IFRD1: variants seen among roughly 807,000 people sequenced by gnomAD.
The protein encoded by IFRD1 is interferon related developmental regulator 1.
A neutral mutation model predicts 52.9 loss-of-function variants in IFRD1; 35 were observed. That is an observed-to-expected ratio of 0.66 (90% CI 0.51 to 0.88). IFRD1 has a LOEUF of 0.88. Among genes scored for constraint, IFRD1 ranks in the 40% least tolerant of loss-of-function variants. IFRD1 has a pLI of 0.00. For missense variants in IFRD1, 517 were observed against 550.8 expected (o/e 0.94, Z 0.61); for synonymous variants, 184 against 188.4 (o/e 0.98, Z 0.19).
At chr7:112,424,769 G>T (rs1480863507) in intron 1 of IFRD1, among the ~76,000 whole-genome samples, 2 of 152,174 alleles carry the variant, frequency 1.3e-5, no homozygotes, top group Admixed American at 6.5e-5. Flanking sequence ...CCCACTGGTA[G>T]TTCAGGAGCA....
intron 1 of IFRD1, among the ~76,000 whole-genome samples, chr7:112,431,165 G>A (rs1043011624): frequency 2.6e-5 from 4 of 152,202 alleles, no homozygotes; most frequent in African/African-American, 9.7e-5. Flanking sequence ...CACAAAGGGA[G>A]CTAAGGAAGC....
intron 1 of IFRD1, chr7:112,452,613 C>G (rs1400063849): frequency 2.0e-5 from 4 of 200,980 alleles, no homozygotes; most frequent in Non-Finnish European, 3.6e-5. Flanking sequence ...AGATCACGCA[C>G]AAACCTTTAA....
In IFRD1 at chr7:112,450,760, C is replaced by T. The variant is rs1363736876; in HGVS notation, c.72C>T (p.Ala24=). The T allele has an allele frequency of 6.2e-7, 1 of 1,612,218 alleles. No homozygotes were observed. Among genetic ancestry groups the T allele is most frequent in the Non-Finnish European group, 8.5e-7 (1 of 1,179,626 alleles). Residue 24 remains alanine, a synonymous_variant, in exon 1 of 12, where the codon GCC becomes GCT. Coordinates refer to ENST00000403825, the MANE Select transcript of IFRD1 (RefSeq NM_001550.4). ...CTGGCGGCGGCGGGTCAGGAGCAGC[C>T]GCAGCGACGGCGGCGACAGCAGGTA... The part of the protein sequence containing the change: ...SSAGGGGSGA[A]AATAATAGGQ...
intron 1 of IFRD1, among the ~76,000 whole-genome samples, chr7:112,430,079 C>T (rs1006043176): frequency 2.0e-5 from 3 of 152,170 alleles, no homozygotes; most frequent in African/African-American, 7.2e-5. Context: ...ACCTGCAGAG[C>T]CCTAAGGGCT....
chr7:112,459,704 C>T (rs1052817961), intron 5 of IFRD1, among the ~76,000 whole-genome samples: 1 of 152,106 alleles, frequency 6.6e-6, no homozygotes, highest in Non-Finnish European at 1.5e-5. Context: ...TTATCATCAC[C>T]ACCCAATGTA....
intron 8 of IFRD1, chr7:112,467,752 A>G (rs1795646439): frequency 9.9e-6 from 5 of 505,544 alleles, no homozygotes; most frequent in South Asian, 8.3e-5. Context: ...CTTGGAAGGG[A>G]AATGTTAATT....
chr7:112,443,667 G>A (rs1020552787), intron 1 of IFRD1, among the ~76,000 whole-genome samples: 8 of 151,950 alleles, frequency 5.3e-5, no homozygotes, highest in Non-Finnish European at 8.8e-5. Flanking sequence ...TCAGGAGTTC[G>A]AGACCAGCCT....
chr7:112,448,304 C>G (rs1795074408), upstream of IFRD1, among the ~76,000 whole-genome samples: 1 of 152,132 alleles, frequency 6.6e-6, no homozygotes, highest in African/African-American at 2.4e-5. Flanking sequence ...CGCAGAACGA[C>G]TAAGTGGATG....
rs1025520273 is a variant in IFRD1, at chr7:112,450,557, G to C, written c.-132G>C. The C allele has an allele frequency of 3.4e-5, 24 of 715,332 alleles. No homozygotes were observed. Among genetic ancestry groups the C allele is most frequent in the Non-Finnish European group, 5.9e-5 (23 of 391,206 alleles). 44.3% of individuals were successfully genotyped at this position (715,332 alleles called of 1,614,324 possible). ...GCCACCGCCCACTCTTACCCCCGCC[G>C]CTTCTCGACTCTGTTGTTAGCCGAA... On this transcript the variant is annotated 5_prime_UTR_variant, in exon 1 of 12. Transcript: ENST00000403825.
chr7:112,473,120 CAGAG>C (rs747875221), intron 11 of IFRD1, among the ~76,000 whole-genome samples: 1 of 151,632 alleles, frequency 6.6e-6, no homozygotes, highest in Admixed American at 6.6e-5. Flanking sequence ...AAAAGCAAAA[CAGAG>C]AAAAGAATAT....
At chr7:112,456,780 T>C (rs1000767668) in intron 3 of IFRD1, 134 bp from the exon 4 acceptor site, 2 of 786,578 alleles carry the variant, frequency 2.5e-6, no homozygotes, top group African/African-American at 3.5e-5. Context: ...TATTGACAAA[T>C]GGTTAGAGCT....
At chr7:112,449,506 T>C (rs4463358), upstream of IFRD1, among the ~76,000 whole-genome samples, 85,807 of 151,888 alleles carry the variant, frequency 0.56, 24,686 homozygotes, top group East Asian at 0.67. Flanking sequence ...CTCACCTACA[T>C]TGAGGTGAGT....
chr7:112,423,718 A>G (rs1255751982), intron 1 of IFRD1, among the ~76,000 whole-genome samples: 6 of 152,214 alleles, frequency 3.9e-5, no homozygotes, highest in African/African-American at 1.4e-4. Flanking sequence ...TTGGTAGAAA[A>G]TCAAAGTAGC....
At chr7:112,464,001 C>G (rs1795542824) in intron 8 of IFRD1, among the ~76,000 whole-genome samples, 1 of 148,420 alleles carries the variant, frequency 6.7e-6, no homozygotes, top group Non-Finnish European at 1.5e-5. Context: ...CAAAAATGAA[C>G]TGGGTTACAA....
upstream of IFRD1, among the ~76,000 whole-genome samples, chr7:112,449,830 G>T (rs1214037317): frequency 8.5e-3 from 98 of 11,472 alleles, no homozygotes; most frequent in Admixed American, 0.016. Flanking sequence ...TTTTTTTGGG[G>T]GGGGGGGGGG....
rs2117278851 is a variant in IFRD1, at chr7:112,450,791, T to G, written c.94+9T>G. On this transcript the variant is annotated intron_variant, in intron 1 of 11. Coordinates refer to ENST00000403825, the MANE Select transcript of IFRD1 (RefSeq NM_001550.4). ...GACGGCGGCGACAGCAGGTAAGGGG[T>G]ATCCCCGCCGCCGGCATCCCAGTTG... is the stretch of plus-strand genomic sequence containing the variant. 1 of 1,600,838 alleles carries G rather than the reference T, an allele frequency of 6.2e-7. No homozygotes were observed. The highest frequency in any genetic ancestry group is 8.6e-7 in the Non-Finnish European group (1 of 1,169,538).
At chr7:112,423,994 T>C (rs905838997) in intron 1 of IFRD1, among the ~76,000 whole-genome samples, 2 of 152,230 alleles carry the variant, frequency 1.3e-5, no homozygotes, top group Non-Finnish European at 2.9e-5. Context: ...GGATCTGTTA[T>C]AAAGAAAGTG....
intron 8 of IFRD1, among the ~76,000 whole-genome samples, chr7:112,462,934 G>C (rs73717560): frequency 0.061 from 9,299 of 152,266 alleles, 309 homozygotes; most frequent in South Asian, 0.095. Flanking sequence ...GTTTGTGATA[G>C]TTTGATCAGT....
At chr7:112,454,191 A>C (rs926836986) in intron 1 of IFRD1, among the ~76,000 whole-genome samples, 2 of 151,654 alleles carry the variant, frequency 1.3e-5, no homozygotes, top group Admixed American at 6.6e-5. Flanking sequence ...TAGTAACAGC[A>C]TTGGTACTTT....
Sources: allele counts gnomAD v4.1 joint callset (sites outside exome capture counted in the v4.1 genomes callset), GRCh38; gene constraint gnomAD v4.1.1; transcripts MANE v1.5; gene names NCBI Gene and HGNC (gene_info 2026-07-23, HGNC 2026-07-21).